Variants in IL1RAPL1 observed in about 807,000 individuals in gnomAD.
The protein encoded by IL1RAPL1 is interleukin-1 receptor accessory protein-like 1.
IL1RAPL1 carries 3 observed loss-of-function variants against 48.4 expected under a neutral mutation model. That is an observed-to-expected ratio of 0.06 (90% CI 0.03 to 0.16). The LOEUF is 0.16. Ranked by LOEUF, IL1RAPL1 falls within the 10% of genes least tolerant of loss-of-function variation. The pLI, the probability that IL1RAPL1 is intolerant of heterozygous loss-of-function variation, is 1.00. For missense variants in IL1RAPL1, 349 were observed against 530.6 expected (o/e 0.66, Z 3.36); for synonymous variants, 185 against 187.7 (o/e 0.99, Z 0.12).
intron 5 of IL1RAPL1, among the ~76,000 whole-genome samples, chrX:29,517,006 C>T (rs1032426794): frequency 7.2e-5 from 8 of 111,285 alleles, no homozygotes; most frequent in African/African-American, 2.6e-4. Flanking sequence ...ATTTTGGATA[C>T]TAGGTGTTTG....
chrX:29,131,594 G>A (rs970517777), intron 2 of IL1RAPL1, among the ~76,000 whole-genome samples: 1 of 110,833 alleles, frequency 9.0e-6, no homozygotes, highest in African/African-American at 3.3e-5. Context: ...CCTTGAATAG[G>A]GTTTACATGG....
intron 5 of IL1RAPL1, among the ~76,000 whole-genome samples, chrX:29,623,281 CAA>C (rs778619420): frequency 0.089 from 7,858 of 88,062 alleles, 275 homozygotes; most frequent in Middle Eastern, 0.24. Context: ...GACTCCGTCT[CAA>C]AAAAAAAAAA....
intron 1 of IL1RAPL1, among the ~76,000 whole-genome samples, chrX:28,663,189 C>T (rs934409100): frequency 1.8e-5 from 2 of 111,730 alleles, no homozygotes; most frequent in African/African-American, 3.3e-5. Flanking sequence ...TCATAGTCCT[C>T]CCTAAAGGTG....
rs779119125 is a variant in IL1RAPL1, at chrX:29,396,378, A to G, written c.483A>G (p.Glu161=). The G allele has an allele frequency of 8.3e-7, 1 of 1,211,595 alleles. No individual in the cohort carries two copies. Among genetic ancestry groups the G allele is most frequent in the Admixed American group, 2.2e-5 (1 of 46,051 alleles). The part of the protein sequence containing the change: ...FEKAELSKSK[E]ISCRDIEDFL... ...AAGCTGAACTTAGCAAAAGCAAGGA[A>G]ATTTCATGCCGTGACATAGAGGATT... is the stretch of plus-strand genomic sequence containing the variant. Residue 161 remains glutamate, a synonymous_variant, in exon 4 of 11, where the codon GAA becomes GAG. Transcript: ENST00000378993.
chrX:29,797,101 A>AT (rs972140075), intron 6 of IL1RAPL1, among the ~76,000 whole-genome samples: 1 of 112,432 alleles, frequency 8.9e-6, no homozygotes, highest in African/African-American at 3.2e-5. Context: ...TTTCCAGGGG[A>AT]TTTTTTACTA....
intron 1 of IL1RAPL1, among the ~76,000 whole-genome samples, chrX:28,704,831 CAAA>C (rs1179973377): frequency 0.011 from 313 of 29,642 alleles, 5 homozygotes; most frequent in African/African-American, 0.044. Flanking sequence ...CACACACACA[CAAA>C]AAAAAAAAAA....
chrX:29,363,193 T>C (rs937616168), intron 3 of IL1RAPL1, among the ~76,000 whole-genome samples: 1 of 111,985 alleles, frequency 8.9e-6, no homozygotes, highest in African/African-American at 3.2e-5. Flanking sequence ...GTTTTTAGCT[T>C]TTAATCATAG....
intron 3 of IL1RAPL1, among the ~76,000 whole-genome samples, chrX:29,362,653 T>C (rs1319478484): frequency 1.8e-5 from 2 of 112,042 alleles, no homozygotes; most frequent in African/African-American, 3.2e-5. Flanking sequence ...AGACTCCGCT[T>C]AGAAACCACC....
At chrX:29,542,642 T>C (rs1921478839) in intron 5 of IL1RAPL1, among the ~76,000 whole-genome samples, 1 of 112,043 alleles carries the variant, frequency 8.9e-6, no homozygotes. Flanking sequence ...TACATGCTAA[T>C]TTTATCTCCA....
chrX:29,710,929 C>A (rs1927325897), intron 6 of IL1RAPL1, among the ~76,000 whole-genome samples: 1 of 107,123 alleles, frequency 9.3e-6, no homozygotes, highest in South Asian at 4.1e-4. Context: ...TTATCAAAAT[C>A]TGTGAAAATT....
At chrX:29,909,882 T>TG (rs1373158810) in intron 6 of IL1RAPL1, among the ~76,000 whole-genome samples, 1 of 111,732 alleles carries the variant, frequency 8.9e-6, no homozygotes, top group African/African-American at 3.3e-5. Flanking sequence ...GAGCTACCAT[T>TG]GGACCCAGCA....
chrX:29,164,771 A>T (rs1174791923), intron 2 of IL1RAPL1, among the ~76,000 whole-genome samples: 1 of 108,688 alleles, frequency 9.2e-6, no homozygotes, highest in Non-Finnish European at 1.9e-5. Context: ...TTCTTTTTTT[A>T]AAAAATGATT....
chrX:29,935,908 A>G (rs1345054565), intron 8 of IL1RAPL1, among the ~76,000 whole-genome samples: 1 of 111,664 alleles, frequency 9.0e-6, no homozygotes, highest in Non-Finnish European at 1.9e-5. Context: ...ATGTTTGGTC[A>G]TACAGATTAA....
intron 6 of IL1RAPL1, among the ~76,000 whole-genome samples, chrX:29,686,201 A>G (rs1926611183): frequency 8.9e-6 from 1 of 111,999 alleles, no homozygotes; most frequent in Non-Finnish European, 1.9e-5. Context: ...TGAAATAATG[A>G]TCAATTCAAT....
intron 2 of IL1RAPL1, among the ~76,000 whole-genome samples, chrX:29,224,072 T>G (rs1312660128): frequency 9.0e-6 from 1 of 111,489 alleles, no homozygotes; most frequent in Non-Finnish European, 1.9e-5. Flanking sequence ...GTTTACACCA[T>G]TAGAACAGGT....
At chrX:29,798,743 G>T (rs766849309) in intron 6 of IL1RAPL1, among the ~76,000 whole-genome samples, 2 of 112,317 alleles carry the variant, frequency 1.8e-5, no homozygotes, top group African/African-American at 6.5e-5. Context: ...TGATCAAATG[G>T]AGAATTACTA....
chrX:29,694,599 G>A (rs1926860068), intron 6 of IL1RAPL1, among the ~76,000 whole-genome samples: 1 of 111,528 alleles, frequency 9.0e-6, no homozygotes, highest in Admixed American at 9.5e-5. Context: ...CAAGATCAAG[G>A]CACTGGTGGA....
chrX:29,444,353 AAAAAG>A (rs1440665061), intron 5 of IL1RAPL1, among the ~76,000 whole-genome samples: 3 of 109,289 alleles, frequency 2.7e-5, no homozygotes, highest in African/African-American at 1.0e-4. Context: ...AAAAAAAAAA[AAAAAG>A]AAAAGAAAGA....
At chrX:29,946,457 T>G (rs950586664) in intron 9 of IL1RAPL1, among the ~76,000 whole-genome samples, 5 of 112,064 alleles carry the variant, frequency 4.5e-5, no homozygotes, top group South Asian at 3.7e-4. Context: ...CTGAGGTTTT[T>G]GGGGAAAATG....
Sources: gnomAD v4.1 joint callset for allele counts (sites outside exome capture counted in the v4.1 genomes callset) on GRCh38, gnomAD v4.1.1 for gene constraint, MANE v1.5 for transcripts, NCBI Gene and HGNC (gene_info 2026-07-23, HGNC 2026-07-21) for gene names.